GRIK2: variants seen among roughly 807,000 people sequenced by gnomAD.
GRIK2 encodes glutamate ionotropic receptor kainate type subunit 2, also known as glutamate receptor ionotropic, kainate 2.
A neutral mutation model predicts 100.3 loss-of-function variants in GRIK2; 32 were observed. The ratio of observed to expected loss-of-function variants is 0.32; its 90% CI spans 0.24 to 0.43. The LOEUF (loss-of-function observed/expected upper bound fraction) is 0.43, where lower values mean the gene tolerates loss of function less well. GRIK2 is among the 20% of genes least tolerant of loss of function. The probability of loss-of-function intolerance (pLI) is 1.00; values close to 1 mark genes in which losing one functional copy is unlikely to be tolerated. For synonymous variants in GRIK2, 417 were observed against 389.4 expected (o/e 1.07, Z -0.83); for missense variants, 843 against 1,114.9 (o/e 0.76, Z 3.47).
At chr6:101,660,908 G>A (rs1263187394) in intron 4 of GRIK2, among the ~76,000 whole-genome samples, 2 of 152,144 alleles carry the variant, frequency 1.3e-5, no homozygotes, top group East Asian at 3.9e-4. Context: ...TGAGGTGTCT[G>A]TTGACCGCTG....
chr6:101,620,454 C>T lies in GRIK2; in HGVS notation c.116-1495C>T, dbSNP rs1040480578. ...TATGGTATCAAATAATATTTTTTATCTTGTTCCTGAATGTAAATTTGCCTC... is the reference window on the plus strand; with the variant it reads ...TATGGTATCAAATAATATTTTTTATTTTGTTCCTGAATGTAAATTTGCCTC... On this transcript the variant is annotated intron_variant, in intron 2 of 16. Transcript: ENST00000369134. Among the ~76,000 whole-genome samples the T allele has an allele frequency of 1.3e-5, 2 of 152,030 alleles. 1 individual carries two copies. The highest frequency in any genetic ancestry group is 2.9e-5 in the Non-Finnish European group (2 of 67,982).
intron 2 of GRIK2, among the ~76,000 whole-genome samples, chr6:101,485,981 C>T (rs1772804233): frequency 1.3e-5 from 2 of 150,770 alleles, no homozygotes; most frequent in African/African-American, 4.9e-5. Context: ...GTCTATAAAG[C>T]ATTATATTAA....
At chr6:102,022,092 A>T (rs987455466) in intron 14 of GRIK2, among the ~76,000 whole-genome samples, 1 of 150,650 alleles carries the variant, frequency 6.6e-6, no homozygotes, top group Non-Finnish European at 1.5e-5. Context: ...GGTTCCTAAA[A>T]TTCATTCTTT....
At chr6:101,950,681 A>AT (rs554474817) in intron 14 of GRIK2, among the ~76,000 whole-genome samples, 120 of 151,834 alleles carry the variant, frequency 7.9e-4, no homozygotes, top group African/African-American at 2.8e-3. Flanking sequence ...TGTAGCCTCT[A>AT]TTTTTTTGTT....
intron 2 of GRIK2, among the ~76,000 whole-genome samples, chr6:101,548,230 A>C (rs1269475309): frequency 6.6e-6 from 1 of 152,358 alleles, no homozygotes; most frequent in East Asian, 1.9e-4. Context: ...GCCCTTTATC[A>C]GATGAGTAGA....
At chr6:101,816,327 G>T (rs1214067896) in intron 9 of GRIK2, among the ~76,000 whole-genome samples, 3 of 152,120 alleles carry the variant, frequency 2.0e-5, no homozygotes, top group African/African-American at 7.2e-5. Context: ...GTCATTCACT[G>T]CAAAATACTA....
At chr6:101,416,575 A>G (rs1776149136) in intron 2 of GRIK2, among the ~76,000 whole-genome samples, 2 of 152,186 alleles carry the variant, frequency 1.3e-5, no homozygotes, top group South Asian at 2.1e-4. Context: ...CTTTCAGGAA[A>G]TTAAATTGAA....
intron 10 of GRIK2, among the ~76,000 whole-genome samples, chr6:101,856,377 A>G (rs1190786150): frequency 6.6e-6 from 1 of 152,214 alleles, no homozygotes; most frequent in Non-Finnish European, 1.5e-5. Flanking sequence ...GAGCTGTAAT[A>G]TAATGTCTAT....
intron 2 of GRIK2, among the ~76,000 whole-genome samples, chr6:101,544,473 T>A (rs781595547): frequency 6.6e-6 from 1 of 152,156 alleles, no homozygotes; most frequent in Non-Finnish European, 1.5e-5. Flanking sequence ...CCTGGAAGTG[T>A]GTGAGTGACT....
At position 102,045,854 on chromosome 6, in the gene GRIK2, C is replaced by T. The variant is rs146081276; in HGVS notation, c.2312-9476C>T. Among the ~76,000 whole-genome samples the T allele has an allele frequency of 3.5e-3, 531 of 152,116 alleles. 2 individuals are homozygous for T. The highest frequency in any genetic ancestry group is 8.7e-3 in the South Asian group (42 of 4,818). On this transcript the variant is annotated intron_variant, in intron 15 of 16. Coordinates refer to ENST00000369134, the MANE Select transcript of GRIK2 (RefSeq NM_021956.5). ...TAAAAATTGCAAGAGTAAGTTGTTA[C>T]CTATCAATAATAACCTTGAATGTAA...
chr6:101,657,287 G>C (rs779836164), intron 4 of GRIK2, among the ~76,000 whole-genome samples: 4 of 152,092 alleles, frequency 2.6e-5, no homozygotes, highest in Non-Finnish European at 5.9e-5. Flanking sequence ...ATTTTTACAA[G>C]GGGCTCTTCC....
chr6:101,995,790 T>C (rs75821113), intron 14 of GRIK2, among the ~76,000 whole-genome samples: 3,392 of 152,026 alleles, frequency 0.022, 57 homozygotes, highest in Non-Finnish European at 0.036. Context: ...AATCCTATTA[T>C]AGAATGCAAA....
chr6:102,036,230 A>AAT (rs1554195344), intron 15 of GRIK2, among the ~76,000 whole-genome samples: 10,467 of 146,212 alleles, frequency 0.072, 1,273 homozygotes, highest in African/African-American at 0.25. Context: ...GCCGTAAGTA[A>AAT]ACACACACAC....
At chr6:101,633,479 G>C (rs1457404584) in intron 4 of GRIK2, among the ~76,000 whole-genome samples, 1 of 152,100 alleles carries the variant, frequency 6.6e-6, no homozygotes, top group Non-Finnish European at 1.5e-5. Flanking sequence ...GATTGTTGTT[G>C]TGTAAAGTGC....
chr6:101,816,507 A>G (rs1461931587), intron 9 of GRIK2, among the ~76,000 whole-genome samples: 1 of 152,074 alleles, frequency 6.6e-6, no homozygotes, highest in Non-Finnish European at 1.5e-5. Flanking sequence ...TGGTGAAACT[A>G]AAAATACAAA....
chr6:101,511,603 CTT>C (rs1774321483), intron 2 of GRIK2, among the ~76,000 whole-genome samples: 1 of 151,718 alleles, frequency 6.6e-6, no homozygotes. Context: ...AGATTATTGT[CTT>C]AACATTTCTT....
At chr6:101,652,921 G>A (rs1235541845) in intron 4 of GRIK2, among the ~76,000 whole-genome samples, 1 of 152,050 alleles carries the variant, frequency 6.6e-6, no homozygotes, top group Non-Finnish European at 1.5e-5. Flanking sequence ...GAAGAGAACT[G>A]GACAAGGCAT....
chr6:101,451,088 A>G (rs1770649311), intron 2 of GRIK2, among the ~76,000 whole-genome samples: 1 of 151,680 alleles, frequency 6.6e-6, no homozygotes, highest in African/African-American at 2.4e-5. Context: ...AACAGTCTCT[A>G]AATCATTCTT....
intron 2 of GRIK2, among the ~76,000 whole-genome samples, chr6:101,474,444 A>G (rs755423599): frequency 1.3e-5 from 2 of 151,832 alleles, no homozygotes; most frequent in Non-Finnish European, 2.9e-5. Flanking sequence ...CTTACTTAGT[A>G]TTGTGTTGTT....
Sources: allele counts gnomAD v4.1 joint callset (sites outside exome capture counted in the v4.1 genomes callset), GRCh38; gene constraint gnomAD v4.1.1; transcripts MANE v1.5; gene names NCBI Gene and HGNC (gene_info 2026-07-23, HGNC 2026-07-21).